Variants in RBFOX1 observed in about 807,000 individuals in gnomAD.
RBFOX1 encodes RNA binding fox-1 homolog 1.
A neutral mutation model predicts 57.7 loss-of-function variants in RBFOX1; 8 were observed. That is an observed-to-expected ratio of 0.14 (90% CI 0.08 to 0.25). The LOEUF is 0.25. Ranked by LOEUF, RBFOX1 falls within the 10% of genes least tolerant of loss-of-function variation. RBFOX1 has a pLI of 1.00. For missense variants in RBFOX1, 611 were observed against 548.5 expected (o/e 1.11, Z -1.14); for synonymous variants, 326 against 222.4 (o/e 1.47, Z -4.15).
chr16:7,332,096 G>A (rs985775311), intron 4 of RBFOX1, among the ~76,000 whole-genome samples: 3 of 152,194 alleles, frequency 2.0e-5, no homozygotes, highest in Non-Finnish European at 4.4e-5. Flanking sequence ...CATAGAAAAT[G>A]TTATTACAGA....
intron 3 of RBFOX1, among the ~76,000 whole-genome samples, chr16:7,034,227 C>G (rs926537545): frequency 6.6e-6 from 1 of 152,134 alleles, no homozygotes; most frequent in Non-Finnish European, 1.5e-5. Flanking sequence ...TGTTTAGCCT[C>G]TCTCCATCTC....
chr16:6,594,346 T>C (rs558606663), intron 2 of RBFOX1, among the ~76,000 whole-genome samples: 1 of 152,304 alleles, frequency 6.6e-6, no homozygotes, highest in Non-Finnish European at 1.5e-5. Context: ...AACCTATCCT[T>C]ACCAATGTTA....
intron 2 of RBFOX1, among the ~76,000 whole-genome samples, chr16:6,648,720 C>G (rs1321778281): frequency 6.6e-6 from 1 of 152,164 alleles, no homozygotes; most frequent in Non-Finnish European, 1.5e-5. Context: ...AATGCATCAC[C>G]TGGTCAGAAC....
At chr16:6,754,188 G>C (rs1484365734) in intron 3 of RBFOX1, among the ~76,000 whole-genome samples, 1 of 152,080 alleles carries the variant, frequency 6.6e-6, no homozygotes, top group Non-Finnish European at 1.5e-5. Flanking sequence ...TCAACACTCA[G>C]GCAGCTACAG....
chr16:7,600,844 A>G (rs994192362), intron 9 of RBFOX1, among the ~76,000 whole-genome samples: 1 of 152,090 alleles, frequency 6.6e-6, no homozygotes, highest in African/African-American at 2.4e-5. Flanking sequence ...TGTAGATACT[A>G]TTCTCAGGAT....
chr16:5,239,949 C>A, exon 1 of RBFOX1: 1 of 1,528,344 alleles, frequency 6.5e-7, no homozygotes, highest in Non-Finnish European at 8.8e-7. Flanking sequence ...ATGGCCGGCC[C>A]AGGAGGGAGG....
chr16:7,325,863 C>T (rs149701544), intron 4 of RBFOX1, among the ~76,000 whole-genome samples: 17 of 152,146 alleles, frequency 1.1e-4, no homozygotes, highest in African/African-American at 3.1e-4. Context: ...ATTTTTCTTG[C>T]GGTCCATGCT....
intron 2 of RBFOX1, among the ~76,000 whole-genome samples, chr16:6,619,612 C>G (rs970052545): frequency 1.3e-5 from 2 of 151,392 alleles, no homozygotes; most frequent in Non-Finnish European, 2.9e-5. Flanking sequence ...AGGAGACTGC[C>G]TTTTTGGTGT....
intron 3 of RBFOX1, among the ~76,000 whole-genome samples, chr16:5,855,052 G>C (rs1423692318): frequency 6.6e-6 from 1 of 152,040 alleles, no homozygotes; most frequent in Non-Finnish European, 1.5e-5. Context: ...CAAATCCTTT[G>C]TTCGTTTTGT....
intron 4 of RBFOX1, among the ~76,000 whole-genome samples, chr16:7,217,280 T>TTTC: frequency 7.9e-6 from 1 of 126,358 alleles, no homozygotes; most frequent in African/African-American, 3.1e-5. Context: ...TATCTTTTTT[T>TTTC]TTCTTATTCT....
At chr16:7,109,783 C>T (rs1055163354) in intron 4 of RBFOX1, among the ~76,000 whole-genome samples, 19 of 152,218 alleles carry the variant, frequency 1.2e-4, no homozygotes, top group South Asian at 8.3e-4. Context: ...TTCATTCACT[C>T]GTTTGCTGAA....
At chr16:6,902,755 A>G (rs74617011) in intron 3 of RBFOX1, among the ~76,000 whole-genome samples, 1,766 of 152,238 alleles carry the variant, frequency 0.012, 33 homozygotes, top group African/African-American at 0.04. Flanking sequence ...ATACACATCA[A>G]GTTTTAAAGG....
At chr16:6,155,891 A>T (rs573451020) in intron 1 of RBFOX1, among the ~76,000 whole-genome samples, 43 of 152,148 alleles carry the variant, frequency 2.8e-4, no homozygotes, top group Non-Finnish European at 5.0e-4. Flanking sequence ...GCATTTCAAG[A>T]TGGTATCAGC....
intron 4 of RBFOX1, among the ~76,000 whole-genome samples, chr16:7,131,874 C>G (rs2070512804): frequency 3.3e-5 from 5 of 151,994 alleles, no homozygotes; most frequent in Admixed American, 3.3e-4. Flanking sequence ...AGGGGCACAT[C>G]TTAGCTTCTA....
intron 2 of RBFOX1, among the ~76,000 whole-genome samples, chr16:5,597,622 G>A (rs1394085573): frequency 6.6e-6 from 1 of 151,950 alleles, no homozygotes; most frequent in Non-Finnish European, 1.5e-5. Context: ...CTAGTCTGGA[G>A]CTCCTGACCT....
At chr16:6,579,968 T>C (rs1481565762) in intron 2 of RBFOX1, among the ~76,000 whole-genome samples, 2 of 152,136 alleles carry the variant, frequency 1.3e-5, no homozygotes, top group Non-Finnish European at 2.9e-5. Flanking sequence ...TTTTTCTTTT[T>C]TCTTTTCTGA....
At chr16:7,084,236 A>C (rs943211825) in intron 4 of RBFOX1, among the ~76,000 whole-genome samples, 3 of 152,186 alleles carry the variant, frequency 2.0e-5, no homozygotes, top group Admixed American at 1.3e-4. Context: ...CAAATGGACT[A>C]TATATGTATA....
intron 3 of RBFOX1, among the ~76,000 whole-genome samples, chr16:5,745,777 T>A (rs2052957007): frequency 6.6e-6 from 1 of 152,224 alleles, no homozygotes; most frequent in East Asian, 1.9e-4. Context: ...TCACCCACTT[T>A]TTGATGGGGT....
intron 3 of RBFOX1, among the ~76,000 whole-genome samples, chr16:5,788,875 T>G (rs1253878958): frequency 6.6e-6 from 1 of 152,130 alleles, no homozygotes; most frequent in Non-Finnish European, 1.5e-5. Flanking sequence ...TTCAGACCTG[T>G]GAAAAGCCCC....
Sources: allele counts gnomAD v4.1 joint callset (sites outside exome capture counted in the v4.1 genomes callset), GRCh38; gene constraint gnomAD v4.1.1; transcripts MANE v1.5; gene names NCBI Gene and HGNC (gene_info 2026-07-23, HGNC 2026-07-21).